FAM78B: variants seen among roughly 807,000 people sequenced by gnomAD.
FAM78B encodes family with sequence similarity 78 member B.
FAM78B carries 10 observed loss-of-function variants against 20.0 expected under a neutral mutation model. The observed-to-expected ratio is 0.50, with a 90% CI of 0.31 to 0.85. The LOEUF (loss-of-function observed/expected upper bound fraction) is 0.85, where lower values mean the gene tolerates loss of function less well. Among genes scored for constraint, FAM78B ranks in the 40% least tolerant of loss-of-function variants. FAM78B has a pLI of 0.05. For synonymous variants in FAM78B, 135 were observed against 132.8 expected, an observed-to-expected ratio of 1.02 and a Z score of -0.12; for missense variants, 283 against 345.0, an observed-to-expected ratio of 0.82 and a Z score of 1.42.
intron 1 of FAM78B, among the ~76,000 whole-genome samples, chr1:166,084,254 CTCTCTCTCTCTT>C (rs1476885994): frequency 6.6e-5 from 10 of 151,964 alleles, no homozygotes; most frequent in African/African-American, 2.4e-4. Flanking sequence ...CTCTCTCTCT[CTCTCTCTCTCTT>C]TCTCTCTCTC....
chr1:166,127,568 T>C (rs778098368), intron 1 of FAM78B, among the ~76,000 whole-genome samples: 3 of 152,228 alleles, frequency 2.0e-5, no homozygotes, highest in Non-Finnish European at 4.4e-5. Context: ...TTTAAAGTGT[T>C]AGGCACATAT....
rs151137684 is a variant in FAM78B at position 166,103,886 on chromosome 1, C to A, written c.264-33123G>T. Among the ~76,000 whole-genome samples the A allele has an allele frequency of 6.2e-4, 94 of 152,256 alleles. 1 individual carries two copies. Among genetic ancestry groups the A allele is most frequent in the Middle Eastern group, 3.4e-3 (1 of 294 alleles). ...GCATCATCCTGATACCAAAGCCTGG[C>A]AGAGACACAAAAATAAAAGAGAATT... On this transcript the variant is annotated intron_variant, in intron 1 of 1. Coordinates refer to ENST00000354422, the MANE Select transcript of FAM78B (RefSeq NM_001017961.5).
chr1:166,129,906 T>C (rs1345443624), intron 1 of FAM78B, among the ~76,000 whole-genome samples: 2 of 152,184 alleles, frequency 1.3e-5, no homozygotes, highest in Non-Finnish European at 2.9e-5. Context: ...ATGAACACAT[T>C]TGGCATTCCA....
At chr1:166,152,678 T>C (rs937597498) in intron 1 of FAM78B, among the ~76,000 whole-genome samples, 8 of 151,024 alleles carry the variant, frequency 5.3e-5, no homozygotes, top group Admixed American at 5.3e-4. Flanking sequence ...ATTTATTTAT[T>C]TATTTATTTA....
chr1:166,094,047 G>GTGTGTGTGTGTGTGTGTGTGTGTGTGTGT (rs1460623001), intron 1 of FAM78B, among the ~76,000 whole-genome samples: 5 of 147,230 alleles, frequency 3.4e-5, no homozygotes, highest in Non-Finnish European at 6.0e-5. Context: ...GTGTGTGTGT[G>GTGTGTGTGTGTGTGTGTGTGTGTGTGTGT]GTGTTCTTGA....
At chr1:166,126,482 T>G (rs1238380412) in intron 1 of FAM78B, among the ~76,000 whole-genome samples, 2 of 152,082 alleles carry the variant, frequency 1.3e-5, no homozygotes, top group Non-Finnish European at 2.9e-5. Context: ...CAGGGAATGG[T>G]CCAGGTAGGC....
rs1057192740 is a variant in FAM78B at position 166,166,542 on chromosome 1, G to C, written c.-294C>G. 1 of 151,910 alleles carries C rather than the reference G, an allele frequency of 6.6e-6. No homozygotes were observed. The highest frequency in any genetic ancestry group is 1.5e-5 in the Non-Finnish European group (1 of 68,464). 9.4% of individuals were successfully genotyped at this position (151,910 alleles called of 1,614,324 possible). A position where few individuals can be genotyped will look rare whatever the true frequency, so the allele number is the denominator to read the frequency against. On this transcript the variant is annotated 5_prime_UTR_variant, in exon 1 of 2. Transcript: ENST00000354422. The stretch of plus-strand genomic sequence containing the variant: ...GTGCCCTCGCCGGCTCCAGCGCCCG[G>C]GCGGAGGGCAGGGAGGGGAGCGGCG...
intron 1 of FAM78B, among the ~76,000 whole-genome samples, chr1:166,118,418 G>C (rs1654340667): frequency 6.6e-6 from 1 of 152,088 alleles, no homozygotes; most frequent in South Asian, 2.1e-4. Context: ...GCAAATAAAA[G>C]AACCAATAAT....
chr1:166,140,499 C>T (rs951640379), intron 1 of FAM78B, among the ~76,000 whole-genome samples: 17 of 152,234 alleles, frequency 1.1e-4, no homozygotes, highest in African/African-American at 4.1e-4. Flanking sequence ...ATAAATCAGA[C>T]TTGACTTCTT....
chr1:166,146,541 T>C (rs1290602042), intron 1 of FAM78B, among the ~76,000 whole-genome samples: 2 of 152,190 alleles, frequency 1.3e-5, no homozygotes, highest in Non-Finnish European at 2.9e-5. Context: ...CTAACTGGGC[T>C]AAAAGCACTC....
At chr1:166,121,064 T>C (rs1032760108) in intron 1 of FAM78B, among the ~76,000 whole-genome samples, 7 of 152,210 alleles carry the variant, frequency 4.6e-5, no homozygotes, top group African/African-American at 1.7e-4. Context: ...CTCTTTAAAT[T>C]TGTAGAGCCT....
rs913568919 is a variant in FAM78B at position 166,165,991 on chromosome 1, C to G, written c.258G>C (p.Leu86=). 2.5e-6 allele frequency: 4 copies of G among 1,613,688 alleles called. No individual in the cohort carries two copies. The African/African-American group carries it at 5.3e-5, about 22-fold the overall frequency. Residue 86 remains leucine, a synonymous_variant, in exon 1 of 2, where the codon CTG becomes CTC. Coordinates refer to ENST00000354422, the MANE Select transcript of FAM78B (RefSeq NM_001017961.5). ...CCGCGCGGCGAGTCGCTTACATGCC[C>G]AGGTCGCTGTAGGTGTTGAAGAACT... ...QMEFFNTYSD[L]GMSSWELPDL... is the part of the protein sequence containing the mutation.
intron 1 of FAM78B, among the ~76,000 whole-genome samples, chr1:166,115,089 G>C (rs1005732428): frequency 2.0e-5 from 3 of 152,194 alleles, no homozygotes; most frequent in Admixed American, 1.3e-4. Flanking sequence ...ACATGAAACA[G>C]CATGGTTTGT....
chr1:166,165,759 G>A (rs1183367774), intron 1 of FAM78B, among the ~76,000 whole-genome samples: 2 of 152,124 alleles, frequency 1.3e-5, no homozygotes, highest in African/African-American at 2.4e-5. Context: ...GCGTTTCTGG[G>A]AAGTCAGAAG....
At position 166,164,737 on chromosome 1, in the gene FAM78B, G is replaced by T. The variant is rs1346170289; in HGVS notation, c.263+1249C>A. ...CAAACTGCTGCTAAAAAGATGGTTT[G>T]ACCTTTTAAAATGGGAACTCCCCCA... On this transcript the variant is annotated intron_variant, in intron 1 of 1. Transcript: ENST00000354422. 12 of 152,278 alleles carry T rather than the reference G, an allele frequency of 7.9e-5. No individual in the cohort carries two copies. The South Asian group carries it at 2.5e-3, about 32-fold the overall frequency. The allele number at this position is 152,278 out of a possible 1,614,324, so 9.4% of individuals were successfully genotyped here. A position where few individuals can be genotyped will look rare whatever the true frequency, so the allele number is the denominator to read the frequency against.
At chr1:166,161,294 G>A (rs1351191416) in intron 1 of FAM78B, among the ~76,000 whole-genome samples, 2 of 152,072 alleles carry the variant, frequency 1.3e-5, no homozygotes, top group Non-Finnish European at 2.9e-5. Flanking sequence ...TTACAGGCGT[G>A]TGCCACCATG....
At chr1:166,104,985 T>G (rs1440572441) in intron 1 of FAM78B, among the ~76,000 whole-genome samples, 2 of 152,216 alleles carry the variant, frequency 1.3e-5, no homozygotes, top group African/African-American at 4.8e-5. Context: ...CAAAACAGCA[T>G]GGTACTGGTA....
At chr1:166,102,537 A>G (rs1315868853) in intron 1 of FAM78B, among the ~76,000 whole-genome samples, 2 of 152,174 alleles carry the variant, frequency 1.3e-5, no homozygotes, top group Admixed American at 6.5e-5. Context: ...TGGAAAACAA[A>G]AAAAGGCAGG....
At chr1:166,119,476 C>A (rs548232731) in intron 1 of FAM78B, among the ~76,000 whole-genome samples, 2 of 152,210 alleles carry the variant, frequency 1.3e-5, no homozygotes, top group Non-Finnish European at 2.9e-5. Context: ...AGGCCCACAT[C>A]GGGCCTCCGC....
Sources: allele counts gnomAD v4.1 joint callset (sites outside exome capture counted in the v4.1 genomes callset), GRCh38; gene constraint gnomAD v4.1.1; transcripts MANE v1.5; gene names NCBI Gene and HGNC (gene_info 2026-07-23, HGNC 2026-07-21).